NELL1: variants seen among roughly 807,000 people sequenced by gnomAD.
NELL1 encodes the protein neural EGFL like 1.
A neutral mutation model predicts 107.4 loss-of-function variants in NELL1; 76 were observed. The observed-to-expected ratio is 0.71, with a 90% CI of 0.59 to 0.86. The LOEUF is 0.86. NELL1 is among the 40% of genes least tolerant of loss of function. The pLI is 0.00. For missense variants in NELL1, 1,024 were observed against 1,005.5 expected (o/e 1.02, Z -0.25); for synonymous variants, 353 against 341.2 (o/e 1.03, Z -0.38).
intron 2 of NELL1, among the ~76,000 whole-genome samples, chr11:20,729,339 C>T (rs543340534): frequency 1.3e-5 from 2 of 152,102 alleles, no homozygotes; most frequent in Non-Finnish European, 2.9e-5. Context: ...ACTTCCAATA[C>T]TATGTTGAAC....
intron 2 of NELL1, among the ~76,000 whole-genome samples, chr11:20,772,772 T>C (rs970248364): frequency 4.6e-5 from 7 of 152,290 alleles, no homozygotes; most frequent in Admixed American, 3.9e-4. Context: ...TCTGAGCCAA[T>C]AGATGGTGCT....
intron 4 of NELL1, among the ~76,000 whole-genome samples, chr11:20,875,937 G>A (rs536603095): frequency 2.0e-5 from 3 of 152,320 alleles, no homozygotes; most frequent in African/African-American, 4.8e-5. Flanking sequence ...CAGGTCACAC[G>A]CAGGCTTGAT....
rs181036323 is a variant in NELL1 at position 20,983,093 on chromosome 11, T to C, written c.1300+22533T>C. 3.3e-5 allele frequency among the ~76,000 whole-genome samples: 5 copies of C among 152,334 alleles called. No homozygotes were observed. In the East Asian group the frequency reaches 9.6e-4, roughly 29 times the overall value. On this transcript the variant is annotated intron_variant, in intron 12 of 19. Transcript: ENST00000357134. Reference sequence around the variant, plus strand: ...TTGGTTTGGCTCCTGTTAAGTTTTGTGACTGTGGCAAGTTATTGAGCCTCT... The same window carrying C: ...TTGGTTTGGCTCCTGTTAAGTTTTGCGACTGTGGCAAGTTATTGAGCCTCT...
intron 2 of NELL1, among the ~76,000 whole-genome samples, chr11:20,737,817 A>T (rs1166454248): frequency 1.3e-5 from 2 of 151,902 alleles, no homozygotes; most frequent in Non-Finnish European, 2.9e-5. Context: ...CCAAGTACAA[A>T]AATTTAAAGT....
At position 21,472,781 on chromosome 11, in the gene NELL1, C is replaced by T. The variant is rs116160234; in HGVS notation, c.1646-61593C>T. Among the ~76,000 whole-genome samples, 622 of 151,926 alleles carry T rather than the reference C, an allele frequency of 4.1e-3. 4 individuals are homozygous for T. Among genetic ancestry groups the T allele is most frequent in the South Asian group, 0.015 (73 of 4,812 alleles). ...AGAAACAATCAAATAGGAAATGTTC[C>T]TAATAATTCACTCACTCGTCCCCTT... is the stretch of plus-strand genomic sequence containing the variant. On this transcript the variant is annotated intron_variant, in intron 15 of 19. Transcript: ENST00000357134.
At chr11:21,489,758 A>G (rs1854750513) in intron 15 of NELL1, among the ~76,000 whole-genome samples, 2 of 152,156 alleles carry the variant, frequency 1.3e-5, no homozygotes, top group Non-Finnish European at 2.9e-5. Context: ...CCTTTGTGAT[A>G]AAAACTCTCA....
intron 15 of NELL1, among the ~76,000 whole-genome samples, chr11:21,483,613 T>C (rs2133903370): frequency 6.6e-6 from 1 of 152,100 alleles, no homozygotes; most frequent in African/African-American, 2.4e-5. Flanking sequence ...TCTTTACACC[T>C]TTGGAGTCAG....
At chr11:21,547,797 A>G (rs1003190999) in intron 16 of NELL1, among the ~76,000 whole-genome samples, 1 of 151,882 alleles carries the variant, frequency 6.6e-6, no homozygotes, top group Admixed American at 6.6e-5. Flanking sequence ...ATGAACCTTC[A>G]AGTTTGGTAT....
At chr11:21,105,196 C>T (rs1031743137) in intron 12 of NELL1, among the ~76,000 whole-genome samples, 7 of 152,090 alleles carry the variant, frequency 4.6e-5, no homozygotes, top group South Asian at 2.1e-4. Flanking sequence ...CACAGACACA[C>T]GTGGAGTGGG....
intron 13 of NELL1, among the ~76,000 whole-genome samples, chr11:21,155,490 A>G (rs1297653241): frequency 6.6e-6 from 1 of 152,182 alleles, no homozygotes; most frequent in African/African-American, 2.4e-5. Flanking sequence ...TAGCCAAGGA[A>G]ACTGAGAAGT....
At chr11:21,098,177 T>A (rs1476852852) in intron 12 of NELL1, among the ~76,000 whole-genome samples, 1 of 152,208 alleles carries the variant, frequency 6.6e-6, no homozygotes, top group Non-Finnish European at 1.5e-5. Context: ...GGCTTCTTCA[T>A]GCCCTGTGTC....
At chr11:21,279,326 A>C (rs1396069738) in intron 14 of NELL1, among the ~76,000 whole-genome samples, 1 of 152,202 alleles carries the variant, frequency 6.6e-6, no homozygotes, top group Non-Finnish European at 1.5e-5. Flanking sequence ...GAAAGTGAGA[A>C]GGCAAGTCAT....
At chr11:21,337,740 CTTTCTTT>C in intron 14 of NELL1, among the ~76,000 whole-genome samples, 1 of 61,474 alleles carries the variant, frequency 1.6e-5, no homozygotes, top group East Asian at 7.0e-4. Context: ...TCTTTCCTTT[CTTTCTTT>C]CTTTCTTTCT....
rs868633632 is a variant in NELL1 at position 20,959,487 on chromosome 11, A to G, written c.1172-945A>G. On this transcript the variant is annotated intron_variant, in intron 11 of 19. Transcript: ENST00000357134. Reference sequence around the variant, plus strand: ...ATAGATGATGGAATACTACTCAGCAATAAAAAGGAATGAATTAGTGGCATT... The same window carrying G: ...ATAGATGATGGAATACTACTCAGCAGTAAAAAGGAATGAATTAGTGGCATT... 2.6e-5 allele frequency among the ~76,000 whole-genome samples: 4 copies of G among 152,350 alleles called. No homozygotes were observed. The South Asian group carries it at 8.3e-4, about 32-fold the overall frequency.
intron 10 of NELL1, among the ~76,000 whole-genome samples, chr11:20,943,074 A>G (rs1349749757): frequency 6.6e-6 from 1 of 150,670 alleles, no homozygotes; most frequent in Non-Finnish European, 1.5e-5. Flanking sequence ...TTTTTTAATA[A>G]TTTAGAAAGA....
intron 9 of NELL1, among the ~76,000 whole-genome samples, chr11:20,933,636 G>A (rs1850662642): frequency 6.6e-6 from 1 of 152,100 alleles, no homozygotes; most frequent in Non-Finnish European, 1.5e-5. Flanking sequence ...GACATTCTAG[G>A]CCGCTGAGTA....
intron 5 of NELL1, among the ~76,000 whole-genome samples, chr11:20,891,278 T>C (rs1287990324): frequency 6.6e-6 from 1 of 152,058 alleles, no homozygotes; most frequent in Non-Finnish European, 1.5e-5. Flanking sequence ...CATAAGAGAA[T>C]GAGAAATAAA....
At chr11:21,167,136 A>G (rs1047735420) in intron 13 of NELL1, among the ~76,000 whole-genome samples, 1 of 151,868 alleles carries the variant, frequency 6.6e-6, no homozygotes, top group Non-Finnish European at 1.5e-5. Context: ...TAGTGAATCA[A>G]TATTATCAGG....
chr11:21,276,958 T>C (rs1166088807), intron 14 of NELL1, among the ~76,000 whole-genome samples: 4 of 151,404 alleles, frequency 2.6e-5, no homozygotes. Context: ...GAAGAAAACC[T>C]AGGCAATACC....
Sources: gnomAD v4.1 joint callset for allele counts (sites outside exome capture counted in the v4.1 genomes callset) on GRCh38, gnomAD v4.1.1 for gene constraint, MANE v1.5 for transcripts, NCBI Gene and HGNC (gene_info 2026-07-23, HGNC 2026-07-21) for gene names.